CDK19: variants seen among roughly 807,000 people sequenced by gnomAD.
CDK19 encodes cyclin dependent kinase 19.
A neutral mutation model predicts 68.3 loss-of-function variants in CDK19; 20 were observed. That is an observed-to-expected ratio of 0.29 (90% CI 0.21 to 0.43). The LOEUF is 0.43. Ranked by LOEUF, CDK19 falls within the 20% of genes least tolerant of loss-of-function variation. CDK19 has a pLI of 1.00. For missense variants in CDK19, 339 were observed against 623.5 expected (o/e 0.54, Z 4.86); for synonymous variants, 221 against 222.8 (o/e 0.99, Z 0.07).
At chr6:110,700,949 G>T (rs1773939334) in intron 2 of CDK19, 1 of 152,522 alleles carries the variant, frequency 6.6e-6, no homozygotes, top group Admixed American at 6.5e-5. Context: ...GCTCATGCCT[G>T]TAATCCCAGC....
chr6:110,720,071 C>T (rs1775745577), intron 2 of CDK19, among the ~76,000 whole-genome samples: 1 of 148,654 alleles, frequency 6.7e-6, no homozygotes, highest in Non-Finnish European at 1.5e-5. Flanking sequence ...TTTAACAATC[C>T]AACTGATTGC....
chr6:110,703,808 C>G (rs1024722980), intron 2 of CDK19, among the ~76,000 whole-genome samples: 1 of 152,086 alleles, frequency 6.6e-6, no homozygotes, highest in Non-Finnish European at 1.5e-5. Flanking sequence ...CCACTGCACT[C>G]TAGCCTCATT....
At chr6:110,746,591 A>C (rs867018990) in intron 1 of CDK19, among the ~76,000 whole-genome samples, 1 of 152,244 alleles carries the variant, frequency 6.6e-6, no homozygotes, top group Non-Finnish European at 1.5e-5. Context: ...AAAAACTGAC[A>C]GACATAAACT....
chr6:110,810,145 G>GA (rs1562306457), intron 1 of CDK19, among the ~76,000 whole-genome samples: 2 of 152,260 alleles, frequency 1.3e-5, no homozygotes, highest in Middle Eastern at 3.4e-3. Context: ...AATGCAACTG[G>GA]AAAAAAGAAA....
chr6:110,687,671 A>G (rs1405522268), intron 2 of CDK19, among the ~76,000 whole-genome samples: 1 of 152,256 alleles, frequency 6.6e-6, no homozygotes, highest in Non-Finnish European at 1.5e-5. Context: ...ATTTTAATCA[A>G]TAAATCCTAA....
rs199678816 is a variant in CDK19, at chr6:110,749,776, AT to A, written c.129-3576del. Among the ~76,000 whole-genome samples, 367 of 142,914 alleles carry A rather than the reference AT, an allele frequency of 2.6e-3. 1 individual carries two copies. The highest frequency in any genetic ancestry group is 2.8e-3 in the Admixed American group (40 of 14,218). 93.8% of individuals were successfully genotyped at this position (142,914 alleles called of 152,430 possible). A position where few individuals can be genotyped will look rare whatever the true frequency, so the allele number is the denominator to read the frequency against. On this transcript the variant is annotated intron_variant, in intron 1 of 12. Transcript: ENST00000368911. ...GCCTCATCATATGAATGACCACACTATTTTTTTTTTTTTTGAGACAGAGTCT... is the reference window on the plus strand; with the variant it reads ...GCCTCATCATATGAATGACCACACTATTTTTTTTTTTTTGAGACAGAGTCT...
At chr6:110,694,813 T>C (rs1582882138) in intron 2 of CDK19, among the ~76,000 whole-genome samples, 1 of 151,988 alleles carries the variant, frequency 6.6e-6, no homozygotes, top group Non-Finnish European at 1.5e-5. Flanking sequence ...TCTCAGAACA[T>C]GGTAAAATAA....
At chr6:110,682,521 A>G (rs529246332) in intron 2 of CDK19, among the ~76,000 whole-genome samples, 10 of 152,172 alleles carry the variant, frequency 6.6e-5, no homozygotes, top group Non-Finnish European at 1.3e-4. Flanking sequence ...ATAACCTTCC[A>G]GCAGGTGGCA....
At chr6:110,681,060 G>A (rs2114515426) in intron 2 of CDK19, among the ~76,000 whole-genome samples, 1 of 151,796 alleles carries the variant, frequency 6.6e-6, no homozygotes, top group African/African-American at 2.4e-5. Flanking sequence ...AAAATGGGCT[G>A]GGCGTGGTGG....
chr6:110,689,101 A>G (rs1336934528), intron 2 of CDK19, among the ~76,000 whole-genome samples: 1 of 152,106 alleles, frequency 6.6e-6, no homozygotes, highest in East Asian at 1.9e-4. Context: ...TGCCAAGTGC[A>G]TGGGAACTGG....
rs753195552 is a variant in CDK19 at position 110,626,744 on chromosome 6, C to CA, written c.860+31dup. On this transcript the variant is annotated intron_variant, in intron 8 of 12. Coordinates refer to ENST00000368911, the MANE Select transcript of CDK19 (RefSeq NM_015076.5). The stretch of plus-strand genomic sequence containing the variant: ...TCTAAGGTATTTTTTTATAGCAGCA[C>CA]AAAAAGACTAAGACTGTGTGGAATT... 12 of 1,309,882 alleles carry CA rather than the reference C, an allele frequency of 9.2e-6. No homozygotes were observed. The Admixed American group carries it at 1.1e-4, about 12-fold the overall frequency. The allele number at this position is 1,309,882 out of a possible 1,614,324, so 81.1% of individuals were successfully genotyped here. A position where few individuals can be genotyped will look rare whatever the true frequency, so the allele number is the denominator to read the frequency against.
At chr6:110,666,064 C>A (rs141495670) in intron 4 of CDK19, among the ~76,000 whole-genome samples, 1 of 149,806 alleles carries the variant, frequency 6.7e-6, no homozygotes, top group African/African-American at 2.4e-5. Flanking sequence ...TTAAAACATG[C>A]TGATTCAGAG....
At chr6:110,792,153 T>C (rs928870278) in intron 1 of CDK19, among the ~76,000 whole-genome samples, 1 of 151,514 alleles carries the variant, frequency 6.6e-6, no homozygotes, top group Admixed American at 6.6e-5. Flanking sequence ...GTATGTTTAG[T>C]AGAGACAGGG....
intron 12 of CDK19, among the ~76,000 whole-genome samples, chr6:110,619,153 G>C (rs1033751999): frequency 2.6e-5 from 4 of 152,140 alleles, no homozygotes; most frequent in African/African-American, 9.7e-5. Context: ...ATGTTGGAAG[G>C]TTTATTATTT....
intron 2 of CDK19, among the ~76,000 whole-genome samples, chr6:110,685,803 GC>G (rs1772427498): frequency 6.6e-6 from 1 of 152,258 alleles, no homozygotes; most frequent in African/African-American, 2.4e-5. Context: ...AGGACCTGAG[GC>G]TCAAGCTAAA....
At chr6:110,622,297 C>G in intron 10 of CDK19, 131 bp from the exon 11 acceptor site, 1 of 647,228 alleles carries the variant, frequency 1.5e-6, no homozygotes, top group Non-Finnish European at 2.7e-6. Flanking sequence ...GTGTTCAAAT[C>G]TTGACTGCTG....
chr6:110,785,277 A>T (rs1781123214), intron 1 of CDK19, among the ~76,000 whole-genome samples: 1 of 152,114 alleles, frequency 6.6e-6, no homozygotes, highest in African/African-American at 2.4e-5. Flanking sequence ...TTGATCCTTG[A>T]ACAACACAGG....
At chr6:110,780,996 A>G (rs865982896) in intron 1 of CDK19, among the ~76,000 whole-genome samples, 2 of 152,182 alleles carry the variant, frequency 1.3e-5, no homozygotes, top group South Asian at 4.1e-4. Context: ...CCTACTACAT[A>G]GCATTATGTA....
At chr6:110,656,443 T>C (rs1200469866) in intron 4 of CDK19, among the ~76,000 whole-genome samples, 1 of 152,260 alleles carries the variant, frequency 6.6e-6, no homozygotes, top group Non-Finnish European at 1.5e-5. Context: ...GGTCTTTCTA[T>C]TCAGAGACTC....
Sources: gnomAD v4.1 joint callset for allele counts (sites outside exome capture counted in the v4.1 genomes callset) on GRCh38, gnomAD v4.1.1 for gene constraint, MANE v1.5 for transcripts, NCBI Gene and HGNC (gene_info 2026-07-23, HGNC 2026-07-21) for gene names.